The following TANC2 variants were observed in gnomAD, a reference collection of about 807,000 sequenced individuals.
TANC2 encodes tetratricopeptide repeat, ankyrin repeat and coiled-coil containing 2, also known as protein TANC2.
A neutral mutation model predicts 210.5 loss-of-function variants in TANC2; 26 were observed. The observed-to-expected ratio is 0.12, with a 90% CI of 0.09 to 0.17. The LOEUF (loss-of-function observed/expected upper bound fraction) is 0.17. TANC2 is among the 10% of genes least tolerant of loss of function. The pLI is 1.00. For synonymous variants in TANC2, 931 were observed against 967.1 expected (o/e 0.96, Z 0.69); for missense variants, 2,129 against 2,608.9 (o/e 0.82, Z 4.01).
intron 1 of TANC2, among the ~76,000 whole-genome samples, chr17:62,994,318 A>G (rs1243323892): frequency 6.7e-6 from 1 of 149,322 alleles, no homozygotes; most frequent in Admixed American, 6.6e-5. Flanking sequence ...AGTATCTGGG[A>G]TTACAGGCAT....
intron 1 of TANC2, among the ~76,000 whole-genome samples, chr17:62,988,590 A>G (rs1166188295): frequency 6.6e-6 from 1 of 152,224 alleles, no homozygotes. Context: ...GTTTAAAAGC[A>G]GTCGATGTAC....
chr17:63,206,602 A>G (rs552212908), intron 7 of TANC2, among the ~76,000 whole-genome samples: 2 of 152,336 alleles, frequency 1.3e-5, no homozygotes, highest in East Asian at 3.9e-4. Context: ...ACACAAAAGG[A>G]TTGTATGATA....
At chr17:63,188,745 T>C (rs371762288) in intron 5 of TANC2, among the ~76,000 whole-genome samples, 3 of 152,310 alleles carry the variant, frequency 2.0e-5, no homozygotes, top group Middle Eastern at 6.8e-3. Context: ...TGTACTGTTA[T>C]GGGGTTTTCA....
intron 1 of TANC2, among the ~76,000 whole-genome samples, chr17:62,973,728 A>G (rs554630135): frequency 1.3e-5 from 2 of 152,352 alleles, no homozygotes; most frequent in South Asian, 4.1e-4. Flanking sequence ...TGTACAATGC[A>G]AGAGTTGCCA....
chr17:63,357,264 AG>A (rs2046807610), intron 14 of TANC2, among the ~76,000 whole-genome samples: 2 of 152,356 alleles, frequency 1.3e-5, no homozygotes, highest in African/African-American at 4.8e-5. Context: ...CTGAGGTCCA[AG>A]GCAACCAGAC....
At chr17:63,223,590 A>G (rs1055227662) in intron 7 of TANC2, among the ~76,000 whole-genome samples, 4 of 150,890 alleles carry the variant, frequency 2.7e-5, no homozygotes, top group South Asian at 2.1e-4. Context: ...TATAGTGTAT[A>G]TATATATATA....
At chr17:63,325,533 A>G (rs9652862) in intron 11 of TANC2, among the ~76,000 whole-genome samples, 3,999 of 152,226 alleles carry the variant, frequency 0.026, 65 homozygotes, top group Non-Finnish European at 0.038. Context: ...CCTCTCTTCT[A>G]TCACACTATT....
rs541125903 is a variant in TANC2, at chr17:63,298,053, A to C, written c.1160-16335A>C. ...GCTGTAATAAAAACAAAAAAAACTA[A>C]CAAGTGTTAATGAGGATTTGGAAAA... On this transcript the variant is annotated intron_variant, in intron 9 of 27. Transcript: ENST00000689528. Among the ~76,000 whole-genome samples the C allele has an allele frequency of 2.0e-5, 3 of 152,288 alleles. No homozygotes were observed. In the South Asian group the frequency reaches 6.2e-4, roughly 32 times the overall value.
chr17:63,314,451 G>C, exon 10 of TANC2: 2 of 1,613,912 alleles, frequency 1.2e-6, no homozygotes, highest in Non-Finnish European at 1.7e-6. Flanking sequence ...GAAGTGCCCA[G>C]CATCACTACA....
intron 21 of TANC2, among the ~76,000 whole-genome samples, chr17:63,409,782 C>T (rs1180008784): frequency 6.6e-6 from 1 of 152,162 alleles, no homozygotes; most frequent in African/African-American, 2.4e-5. Context: ...ACATATCTAA[C>T]CATAAAAAGG....
At chr17:63,322,845 A>G (rs1399448118) in intron 11 of TANC2, among the ~76,000 whole-genome samples, 1 of 152,342 alleles carries the variant, frequency 6.6e-6, no homozygotes, top group African/African-American at 2.4e-5. Context: ...AAAACATTAC[A>G]TGTCATAAGT....
chr17:63,237,694 C>A lies in TANC2; in HGVS notation c.770-120C>A. 1.1e-5 allele frequency: 12 copies of A among 1,045,044 alleles called. No homozygotes were observed. The South Asian group carries it at 2.1e-4, about 18-fold the overall frequency. The allele number at this position is 1,045,044 out of a possible 1,614,324, so 64.7% of individuals were successfully genotyped here. ...CCCTGCATATGGCAATCCAGTTTTT[C>A]TAGCACCATTTTTTGAAAATGGTGT... On this transcript the variant is annotated intron_variant, in intron 7 of 27. Transcript: ENST00000689528.
At chr17:63,214,620 C>T (rs2041975331) in intron 7 of TANC2, among the ~76,000 whole-genome samples, 1 of 152,176 alleles carries the variant, frequency 6.6e-6, no homozygotes, top group East Asian at 1.9e-4. Flanking sequence ...TGTGGCTTCA[C>T]ATGGCTGAAG....
At chr17:63,314,353 T>G in intron 9 of TANC2, 35 bp from the exon 10 acceptor site, 1 of 1,603,612 alleles carries the variant, frequency 6.2e-7, no homozygotes, top group Non-Finnish European at 8.5e-7. Context: ...TGTTGACAGT[T>G]TGACCTAAGT....
chr17:63,283,031 CAAATG>C (rs1341335534), intron 9 of TANC2, among the ~76,000 whole-genome samples: 2 of 151,956 alleles, frequency 1.3e-5, no homozygotes, highest in Admixed American at 6.6e-5. Context: ...ATTTCTCTGA[CAAATG>C]AAAGGACACA....
intron 4 of TANC2, among the ~76,000 whole-genome samples, chr17:63,124,767 G>A (rs1333007754): frequency 6.6e-6 from 1 of 152,172 alleles, no homozygotes; most frequent in Non-Finnish European, 1.5e-5. Context: ...CTTGAGCTCC[G>A]CCTCCTGTCA....
In TANC2 at chr17:63,420,409, C is replaced by T; in HGVS notation, c.4679C>T (p.Ser1560Phe). The change falls in exon 28 of 28, where the codon TCT becomes TTT. Residue 1560 changes from serine to phenylalanine, a missense_variant. Ser to Phe is a radical substitution (Grantham distance 155). Transcript: ENST00000689528. The surrounding 1 kb of genome is among the most constrained non-coding windows in gnomAD (Gnocchi z 4.2). Reference sequence around the variant, plus strand: ...TTCCGGTCCAGTAGTTCTGTAGGCTCTCCCACTAGACAGACCTATCAGTCC... The same window carrying T: ...TTCCGGTCCAGTAGTTCTGTAGGCTTTCCCACTAGACAGACCTATCAGTCC... 1 of 1,614,008 alleles carries T rather than the reference C, an allele frequency of 6.2e-7. No homozygotes were observed. The highest frequency in any genetic ancestry group is 8.5e-7 in the Non-Finnish European group (1 of 1,179,900).
At chr17:63,259,346 T>G (rs1461815733) in intron 8 of TANC2, among the ~76,000 whole-genome samples, 2 of 152,130 alleles carry the variant, frequency 1.3e-5, no homozygotes, top group Admixed American at 1.3e-4. Context: ...TCTCACTAGG[T>G]CACCAGCACC....
rs2147425925 is a variant in TANC2 at position 63,421,083 on chromosome 17, C to A, written c.5353C>A (p.Pro1785Thr). Residue 1785 changes from proline to threonine, a missense_variant, in exon 28 of 28, where the codon CCT becomes ACT. Pro to Thr is a conservative substitution (Grantham distance 38, BLOSUM62 -1). Coordinates refer to ENST00000689528, the Ensembl canonical transcript of TANC2. This position sits in a 1 kb window ranked among gnomAD's most constrained non-coding sequence, Gnocchi z 6.9. The stretch of plus-strand genomic sequence containing the variant: ...GACCAAAGAGGATCTTCCACAGCGA[C>A]CTTCCTCAGCATACCGAGGTGGCGT... 6.2e-7 allele frequency: 1 copy of A among 1,614,000 alleles called. No individual in the cohort carries two copies. Among genetic ancestry groups the A allele is most frequent in the East Asian group, 2.2e-5 (1 of 44,878 alleles).
Sources: allele counts gnomAD v4.1 joint callset (sites outside exome capture counted in the v4.1 genomes callset), GRCh38; gene constraint gnomAD v4.1.1; non-coding constraint Gnocchi (gnomAD v3.1); transcripts MANE v1.5; gene names NCBI Gene and HGNC (gene_info 2026-07-23, HGNC 2026-07-21).